The following L3MBTL4 variants were observed in gnomAD, a reference collection of about 807,000 sequenced individuals.
L3MBTL4 encodes L3MBTL histone methyl-lysine binding protein 4.
A neutral mutation model predicts 84.5 loss-of-function variants in L3MBTL4; 70 were observed. The observed-to-expected ratio is 0.83, with a 90% CI of 0.68 to 1.01. The LOEUF is 1.01. L3MBTL4 is among the 50% of genes least tolerant of loss of function. The probability of loss-of-function intolerance (pLI) is 0.00; values close to 1 mark genes in which losing one functional copy is unlikely to be tolerated. For synonymous variants in L3MBTL4, 274 were observed against 259.8 expected (o/e 1.05, Z -0.52); for missense variants, 715 against 754.8 (o/e 0.95, Z 0.62).
At position 6,243,344 on chromosome 18, in the gene L3MBTL4, T is replaced by A. The variant is rs769352890; in HGVS notation, c.410A>T (p.His137Leu). The change falls in exon 7 of 19, where the codon CAT becomes CTT. Residue 137 changes from histidine (H) to leucine (L), a missense_variant. Physicochemically the swap from His to Leu is moderately conservative, Grantham distance 99 (BLOSUM62 -3). Transcript: ENST00000317931. ...FWTNAGSPDI[H>L]PVGWCEKTKH... ...GGTCTTTTCACACCATCCTACTGGA[T>A]GAATGTCAGGGGAACCAGCATTGGT... 1.2e-6 allele frequency: 2 copies of A among 1,606,756 alleles called. No homozygotes were observed. The highest frequency in any genetic ancestry group is 1.7e-6 in the Non-Finnish European group (2 of 1,176,802).
At chr18:6,089,101 A>G (rs963177044) in intron 15 of L3MBTL4, among the ~76,000 whole-genome samples, 1 of 152,162 alleles carries the variant, frequency 6.6e-6, no homozygotes, top group African/African-American at 2.4e-5. Flanking sequence ...AAGAACACTT[A>G]GGCAGGTAAA....
chr18:6,192,480 G>A (rs2045159150), intron 12 of L3MBTL4, among the ~76,000 whole-genome samples: 1 of 152,096 alleles, frequency 6.6e-6, no homozygotes, highest in Non-Finnish European at 1.5e-5. Context: ...AGGTGCAGCG[G>A]GTGGTGCTGG....
At chr18:5,957,552 C>T (rs1599555684) in intron 18 of L3MBTL4, among the ~76,000 whole-genome samples, 1 of 149,990 alleles carries the variant, frequency 6.7e-6, no homozygotes, top group East Asian at 2.0e-4. Flanking sequence ...CACAGCCTGG[C>T]TCAGATGATT....
intron 14 of L3MBTL4, among the ~76,000 whole-genome samples, chr18:6,119,161 A>G (rs539058372): frequency 3.3e-5 from 5 of 151,376 alleles, no homozygotes; most frequent in Admixed American, 1.3e-4. Flanking sequence ...GTAGTGAAAG[A>G]GAGAGCACTG....
At chr18:6,159,048 G>T (rs1198023972) in intron 13 of L3MBTL4, among the ~76,000 whole-genome samples, 1 of 152,092 alleles carries the variant, frequency 6.6e-6, no homozygotes, top group African/African-American at 2.4e-5. Context: ...GATCAGGAAT[G>T]ATGTGAAGTC....
At chr18:6,082,898 T>C (rs983784843) in intron 15 of L3MBTL4, among the ~76,000 whole-genome samples, 1 of 152,140 alleles carries the variant, frequency 6.6e-6, no homozygotes, top group Non-Finnish European at 1.5e-5. Flanking sequence ...TCCTGGGAAC[T>C]CCCAGGAGGT....
chr18:5,967,583 T>C (rs2052417117), intron 17 of L3MBTL4, among the ~76,000 whole-genome samples: 1 of 152,168 alleles, frequency 6.6e-6, no homozygotes, highest in African/African-American at 2.4e-5. Context: ...TCAACACACA[T>C]TTACCAGGTG....
intron 14 of L3MBTL4, among the ~76,000 whole-genome samples, chr18:6,113,846 T>C (rs2059271951): frequency 6.6e-6 from 1 of 152,230 alleles, no homozygotes; most frequent in Admixed American, 6.5e-5. Flanking sequence ...TGTTTTAAGT[T>C]GTTCCAATGT....
chr18:5,983,048 G>A (rs2053307356), intron 16 of L3MBTL4, among the ~76,000 whole-genome samples: 1 of 152,220 alleles, frequency 6.6e-6, no homozygotes, highest in African/African-American at 2.4e-5. Context: ...ACCATGGACA[G>A]TAATATGAAA....
intron 13 of L3MBTL4, among the ~76,000 whole-genome samples, chr18:6,164,847 T>G (rs1318390390): frequency 6.6e-6 from 1 of 152,166 alleles, no homozygotes; most frequent in Non-Finnish European, 1.5e-5. Context: ...CTTTGACAAG[T>G]TGAGAGAAGA....
rs571323904 is a variant in L3MBTL4, at chr18:6,298,868, C to T, written c.127+3035G>A. Among the ~76,000 whole-genome samples, 4 of 152,010 alleles carry T rather than the reference C, an allele frequency of 2.6e-5. No individual in the cohort carries two copies. The South Asian group carries it at 8.3e-4, about 32-fold the overall frequency. Reference sequence around the variant, plus strand: ...CAGACTCAGCAACAAGAGGGAAATTCTGTCCAAAAAAAAACAAAACAAAAC... The same window carrying T: ...CAGACTCAGCAACAAGAGGGAAATTTTGTCCAAAAAAAAACAAAACAAAAC... On this transcript the variant is annotated intron_variant, in intron 4 of 18. Transcript: ENST00000317931.
intron 16 of L3MBTL4, among the ~76,000 whole-genome samples, chr18:6,064,234 A>G (rs955804578): frequency 1.3e-5 from 2 of 152,026 alleles, no homozygotes; most frequent in African/African-American, 4.8e-5. Context: ...TTTTTATACC[A>G]GTACCATGCC....
intron 15 of L3MBTL4, among the ~76,000 whole-genome samples, chr18:6,091,337 A>G (rs550105597): frequency 6.6e-6 from 1 of 152,226 alleles, no homozygotes; most frequent in Non-Finnish European, 1.5e-5. Flanking sequence ...AAACATTATT[A>G]GGATGATTGG....
At chr18:6,268,875 CTTG>C (rs1325309106) in intron 4 of L3MBTL4, among the ~76,000 whole-genome samples, 3 of 152,122 alleles carry the variant, frequency 2.0e-5, no homozygotes, top group East Asian at 1.9e-4. Context: ...TACATATTCA[CTTG>C]TTATTTACAA....
chr18:6,302,654 T>C (rs1040571760), intron 3 of L3MBTL4, among the ~76,000 whole-genome samples: 2 of 152,184 alleles, frequency 1.3e-5, no homozygotes, highest in African/African-American at 4.8e-5. Flanking sequence ...GTGTCTTCTT[T>C]ATGTCATTTT....
intron 5 of L3MBTL4, among the ~76,000 whole-genome samples, chr18:6,246,145 TCA>T (rs2047656083): frequency 6.6e-6 from 1 of 152,320 alleles, no homozygotes; most frequent in African/African-American, 2.4e-5. Context: ...TTTGCCTATA[TCA>T]CACAGTTTTA....
At chr18:6,382,637 G>C (rs567909727) in intron 1 of L3MBTL4, among the ~76,000 whole-genome samples, 1 of 152,332 alleles carries the variant, frequency 6.6e-6, no homozygotes, top group Admixed American at 6.5e-5. Context: ...GGTATCACCA[G>C]CAGAGGCTGC....
chr18:5,962,234 A>G (rs2095267093), intron 17 of L3MBTL4, among the ~76,000 whole-genome samples: 1 of 152,142 alleles, frequency 6.6e-6, no homozygotes, highest in South Asian at 2.1e-4. Flanking sequence ...CTTAGGTGGG[A>G]CTTCAGGAAG....
intron 11 of L3MBTL4, 47 bp downstream of exon 11, chr18:6,215,703 T>C: frequency 9.0e-7 from 1 of 1,106,608 alleles, no homozygotes; most frequent in Non-Finnish European, 1.3e-6. Context: ...CATGACTCAA[T>C]ACAAACGTTG....
Sources: gnomAD v4.1 joint callset for allele counts (sites outside exome capture counted in the v4.1 genomes callset) on GRCh38, gnomAD v4.1.1 for gene constraint, MANE v1.5 for transcripts, NCBI Gene and HGNC (gene_info 2026-07-23, HGNC 2026-07-21) for gene names.